FABP6: variants seen among roughly 807,000 people sequenced by gnomAD.
The protein encoded by FABP6 is fatty acid binding protein 6.
A neutral mutation model predicts 14.9 loss-of-function variants in FABP6; 13 were observed. The observed-to-expected ratio is 0.87, with a 90% CI of 0.57 to 1.39. The LOEUF is 1.39. Ranked by LOEUF, FABP6 falls within the 40% of genes most tolerant of loss-of-function variation. FABP6 has a pLI of 0.00. For missense variants in FABP6, 161 were observed against 167.2 expected (o/e 0.96, Z 0.20); for synonymous variants, 75 against 63.6 (o/e 1.18, Z -0.85).
At chr5:160,212,005 G>A (rs1317801364) in intron 2 of FABP6, among the ~76,000 whole-genome samples, 1 of 56,702 alleles carries the variant, frequency 1.8e-5, no homozygotes, top group Admixed American at 1.8e-4. Flanking sequence ...TTTTTTTTTT[G>A]AGATGCAGTC....
intron 3 of FABP6, among the ~76,000 whole-genome samples, chr5:160,218,397 T>C (rs1264470096): frequency 6.6e-6 from 1 of 152,014 alleles, no homozygotes; most frequent in African/African-American, 2.4e-5. Context: ...AGAGTCTCTG[T>C]CTCTTTCGTG....
At chr5:160,201,315 G>C (rs888193036) in intron 2 of FABP6, among the ~76,000 whole-genome samples, 1 of 148,316 alleles carries the variant, frequency 6.7e-6, no homozygotes, top group Non-Finnish European at 1.5e-5. Context: ...TCAAGATCGC[G>C]ACACTGCACT....
In FABP6 at chr5:160,232,068, T is replaced by C. The variant is rs1015805205; in HGVS notation, c.68-30T>C. On this transcript the variant is annotated intron_variant, in intron 1 of 3. Transcript: ENST00000402432. ...ACCACAGGGTTAAAAGCAGCTCTTA[T>C]ATGGCTACTCTGCTTGTCCCCGGGT... The C allele has an allele frequency of 8.1e-6, 13 of 1,611,072 alleles. 1 individual carries two copies. Among genetic ancestry groups the C allele is most frequent in the African/African-American group, 2.7e-5 (2 of 74,848 alleles).
chr5:160,190,529 G>C (rs1272355207), intron 1 of FABP6, among the ~76,000 whole-genome samples: 1 of 152,154 alleles, frequency 6.6e-6, no homozygotes, highest in Non-Finnish European at 1.5e-5. Flanking sequence ...ACCACGCCCA[G>C]CCTGTGTCTC....
At chr5:160,224,206 G>C (rs142826104) in intron 3 of FABP6, among the ~76,000 whole-genome samples, 1 of 151,682 alleles carries the variant, frequency 6.6e-6, no homozygotes, top group East Asian at 1.9e-4. Flanking sequence ...ACTGCACTCC[G>C]GCCTGGGCGA....
intron 2 of FABP6, among the ~76,000 whole-genome samples, chr5:160,205,140 G>A (rs1380091500): frequency 6.6e-6 from 1 of 151,880 alleles, no homozygotes; most frequent in Non-Finnish European, 1.5e-5. Flanking sequence ...GTTATGATAA[G>A]GGCCGAGTCT....
chr5:160,209,491 C>T (rs1759842411), intron 2 of FABP6, among the ~76,000 whole-genome samples: 2 of 152,090 alleles, frequency 1.3e-5, no homozygotes, highest in African/African-American at 4.8e-5. Context: ...CCATGCACTC[C>T]AGCCTGGGTG....
intron 2 of FABP6, among the ~76,000 whole-genome samples, chr5:160,204,355 G>A (rs2032836): frequency 0.72 from 109,416 of 152,112 alleles, 39,727 homozygotes; most frequent in African/African-American, 0.82. Context: ...TAAATAATAC[G>A]TTTTTTTAAA....
At chr5:160,227,675 A>C (rs1350547491), upstream of FABP6, among the ~76,000 whole-genome samples, 1 of 151,852 alleles carries the variant, frequency 6.6e-6, no homozygotes, top group African/African-American at 2.4e-5. Flanking sequence ...ACAAAGAGAG[A>C]CCCTGTCTCA....
At chr5:160,187,860 C>A (rs1375377409) in intron 1 of FABP6, among the ~76,000 whole-genome samples, 1 of 152,148 alleles carries the variant, frequency 6.6e-6, no homozygotes, top group Non-Finnish European at 1.5e-5. Flanking sequence ...TCAAGCGATT[C>A]TTCTGCCTCA....
intron 3 of FABP6, among the ~76,000 whole-genome samples, chr5:160,218,715 C>G (rs1456335660): frequency 2.0e-5 from 3 of 151,736 alleles, no homozygotes; most frequent in African/African-American, 7.3e-5. Flanking sequence ...CCCACCTCAG[C>G]CTCCCAAAGT....
At chr5:160,196,871 C>T (rs1183883956) in intron 1 of FABP6, 1 of 152,326 alleles carries the variant, frequency 6.6e-6, no homozygotes, top group Non-Finnish European at 1.5e-5. Context: ...CCGCGCCTGG[C>T]CTCCAATTCT....
chr5:160,237,405 A>C (rs1046457163), intron 3 of FABP6, among the ~76,000 whole-genome samples: 1 of 152,270 alleles, frequency 6.6e-6, no homozygotes. Flanking sequence ...GCACGTGCAC[A>C]CATAAACAAA....
At chr5:160,217,665 C>T (rs1760040331) in intron 3 of FABP6, among the ~76,000 whole-genome samples, 1 of 151,972 alleles carries the variant, frequency 6.6e-6, no homozygotes, top group East Asian at 1.9e-4. Context: ...TGGACAGAAT[C>T]TCTCTCTGTT....
chr5:160,232,746 A>T (rs1760418969), intron 2 of FABP6, among the ~76,000 whole-genome samples: 1 of 151,588 alleles, frequency 6.6e-6, no homozygotes, highest in Admixed American at 6.6e-5. Flanking sequence ...AAAATACAAA[A>T]ATTAGCTGGA....
intron 3 of FABP6, among the ~76,000 whole-genome samples, chr5:160,236,688 T>C (rs1466944179): frequency 1.3e-5 from 2 of 151,994 alleles, no homozygotes; most frequent in African/African-American, 4.8e-5. Flanking sequence ...AATCTAAAAA[T>C]TATCTGGGTG....
intron 1 of FABP6, among the ~76,000 whole-genome samples, chr5:160,188,681 C>T (rs1759338342): frequency 6.6e-6 from 1 of 152,186 alleles, no homozygotes; most frequent in Non-Finnish European, 1.5e-5. Context: ...GAGGCAGCGC[C>T]GGGACCGGGC....
intron 2 of FABP6, 74 bp downstream of exon 2, chr5:160,232,347 C>T (rs767725454): frequency 1.1e-5 from 15 of 1,419,340 alleles, no homozygotes; most frequent in South Asian, 2.9e-5. Context: ...ATGGCCTCCC[C>T]GCTCCCGAGC....
intron 3 of FABP6, among the ~76,000 whole-genome samples, chr5:160,221,585 T>G (rs747807409): frequency 6.6e-6 from 1 of 152,080 alleles, no homozygotes; most frequent in Non-Finnish European, 1.5e-5. Flanking sequence ...TAAAATTATT[T>G]CCCCCAAGGT....
Sources: allele counts gnomAD v4.1 joint callset (sites outside exome capture counted in the v4.1 genomes callset), GRCh38; gene constraint gnomAD v4.1.1; transcripts MANE v1.5; gene names NCBI Gene and HGNC (gene_info 2026-07-23, HGNC 2026-07-21).